Variants in SGCZ observed in about 807,000 individuals in gnomAD.
SGCZ encodes zeta-sarcoglycan.
SGCZ carries 40 observed loss-of-function variants against 41.3 expected under a neutral mutation model. The ratio of observed to expected loss-of-function variants is 0.97; its 90% CI spans 0.75 to 1.26. The LOEUF (loss-of-function observed/expected upper bound fraction) is 1.26. SGCZ is among the 50% of genes most tolerant of loss of function. The pLI is 0.00. For missense variants in SGCZ, 552 were observed against 369.8 expected (o/e 1.49, Z -4.04); for synonymous variants, 206 against 137.5 (o/e 1.50, Z -3.49).
intron 2 of SGCZ, among the ~76,000 whole-genome samples, chr8:14,433,640 G>GA (rs938556675): frequency 1.0e-4 from 15 of 149,508 alleles, no homozygotes; most frequent in South Asian, 6.3e-4. Context: ...TTCCTATTTA[G>GA]AAAAAAAAAT....
intron 1 of SGCZ, 104 bp downstream of exon 1, chr8:15,237,481 G>C: frequency 7.2e-7 from 1 of 1,379,736 alleles, no homozygotes; most frequent in Non-Finnish European, 1.0e-6. Context: ...GTCGTCCCGC[G>C]GGACCACCAA....
At chr8:14,446,135 AG>A (rs1280590063) in intron 2 of SGCZ, among the ~76,000 whole-genome samples, 1 of 152,164 alleles carries the variant, frequency 6.6e-6, no homozygotes. Context: ...AGGGAGAAAA[AG>A]CACTCAGGCA....
At chr8:15,075,344 C>A (rs1805492010) in intron 1 of SGCZ, among the ~76,000 whole-genome samples, 1 of 152,180 alleles carries the variant, frequency 6.6e-6, no homozygotes, top group South Asian at 2.1e-4. Flanking sequence ...TTTAAATTCC[C>A]AAATGGCATT....
At chr8:15,090,874 A>C (rs745504815) in intron 1 of SGCZ, among the ~76,000 whole-genome samples, 4 of 152,148 alleles carry the variant, frequency 2.6e-5, no homozygotes, top group Non-Finnish European at 5.9e-5. Flanking sequence ...ATAATCTTCC[A>C]AGGGAAACGC....
intron 3 of SGCZ, among the ~76,000 whole-genome samples, chr8:14,252,074 C>G (rs1799307812): frequency 6.6e-6 from 1 of 152,136 alleles, no homozygotes; most frequent in African/African-American, 2.4e-5. Flanking sequence ...AGGGCCTCTT[C>G]TTCATTCTTT....
chr8:14,149,723 T>C (rs1789703134), intron 5 of SGCZ, among the ~76,000 whole-genome samples: 1 of 151,240 alleles, frequency 6.6e-6, no homozygotes, highest in Non-Finnish European at 1.5e-5. Flanking sequence ...TAGCTAAAGT[T>C]ATCCTAATCA....
At chr8:14,177,543 G>A (rs1180686730) in intron 4 of SGCZ, among the ~76,000 whole-genome samples, 1 of 152,014 alleles carries the variant, frequency 6.6e-6, no homozygotes, top group Non-Finnish European at 1.5e-5. Flanking sequence ...GGAGTCTCGT[G>A]CTGTCACCCA....
At chr8:14,323,656 A>G (rs1371876702) in intron 3 of SGCZ, among the ~76,000 whole-genome samples, 1 of 152,118 alleles carries the variant, frequency 6.6e-6, no homozygotes, top group African/African-American at 2.4e-5. Flanking sequence ...GTACATCCAG[A>G]AATTAATTTC....
At chr8:14,485,247 T>A (rs1016557107) in intron 2 of SGCZ, among the ~76,000 whole-genome samples, 1 of 152,150 alleles carries the variant, frequency 6.6e-6, no homozygotes, top group Admixed American at 6.5e-5. Context: ...TATCCCAGAA[T>A]TTTTCTTTTT....
At chr8:14,698,020 G>A (rs116888086) in intron 1 of SGCZ, among the ~76,000 whole-genome samples, 2,110 of 151,908 alleles carry the variant, frequency 0.014, 24 homozygotes, top group Non-Finnish European at 0.021. Flanking sequence ...CATTTCAAAA[G>A]GCCAACATTT....
At chr8:14,832,670 TATC>T (rs1277156498) in intron 1 of SGCZ, among the ~76,000 whole-genome samples, 1 of 152,174 alleles carries the variant, frequency 6.6e-6, no homozygotes, top group African/African-American at 2.4e-5. Flanking sequence ...TTCTCTTTGT[TATC>T]AGGGCCAGAG....
At chr8:14,717,443 G>T (rs1809728429) in intron 1 of SGCZ, among the ~76,000 whole-genome samples, 1 of 152,062 alleles carries the variant, frequency 6.6e-6, no homozygotes, top group Non-Finnish European at 1.5e-5. Context: ...AAGAAAGGCA[G>T]CACCACAAAA....
chr8:15,171,773 G>A (rs1479332387), intron 1 of SGCZ, among the ~76,000 whole-genome samples: 1 of 152,094 alleles, frequency 6.6e-6, no homozygotes, highest in African/African-American at 2.4e-5. Flanking sequence ...GGTATGTGTC[G>A]AATAGTACAT....
At chr8:14,624,514 G>A (rs1442317237) in intron 1 of SGCZ, among the ~76,000 whole-genome samples, 1 of 141,004 alleles carries the variant, frequency 7.1e-6, no homozygotes, top group Non-Finnish European at 1.5e-5. Flanking sequence ...CAAAGGAATT[G>A]TAAAGAAACA....
intron 4 of SGCZ, among the ~76,000 whole-genome samples, chr8:14,217,132 G>T (rs144829692): frequency 2.6e-5 from 4 of 151,678 alleles, no homozygotes; most frequent in Admixed American, 1.3e-4. Context: ...CTAAAAATAC[G>T]CACACACACA....
At chr8:15,113,682 GTCATCT>G (rs1346979962) in intron 1 of SGCZ, among the ~76,000 whole-genome samples, 8 of 152,108 alleles carry the variant, frequency 5.3e-5, no homozygotes, top group Admixed American at 2.6e-4. Flanking sequence ...CTGCCTAAAA[GTCATCT>G]TCCAAAGTCA....
At chr8:14,943,795 G>A (rs145774426) in intron 1 of SGCZ, among the ~76,000 whole-genome samples, 1 of 152,024 alleles carries the variant, frequency 6.6e-6, no homozygotes, top group Non-Finnish European at 1.5e-5. Context: ...GTATTCTCAT[G>A]GTTTAGCTCC....
chr8:15,083,020 T>G (rs1004299586), intron 1 of SGCZ, among the ~76,000 whole-genome samples: 21 of 151,854 alleles, frequency 1.4e-4, no homozygotes, highest in African/African-American at 5.1e-4. Context: ...AATTTCTGCA[T>G]GAAAACAGGA....
intron 4 of SGCZ, among the ~76,000 whole-genome samples, chr8:14,220,758 G>A (rs1253580230): frequency 6.7e-6 from 1 of 149,212 alleles, no homozygotes; most frequent in Non-Finnish European, 1.5e-5. Flanking sequence ...CTGCACTCCA[G>A]CCTGGGCGAC....
Sources: allele counts gnomAD v4.1 joint callset (sites outside exome capture counted in the v4.1 genomes callset), GRCh38; gene constraint gnomAD v4.1.1; transcripts MANE v1.5; gene names NCBI Gene and HGNC (gene_info 2026-07-23, HGNC 2026-07-21).